GALK2: variants seen among roughly 807,000 people sequenced by gnomAD.
GALK2 encodes the protein N-acetylgalactosamine kinase.
GALK2 carries 36 observed loss-of-function variants against 52.4 expected under a neutral mutation model. The observed-to-expected ratio is 0.69, with a 90% CI of 0.53 to 0.91. The LOEUF (loss-of-function observed/expected upper bound fraction) is 0.91. GALK2 is among the 40% of genes least tolerant of loss of function. GALK2 has a pLI of 0.00. For synonymous variants in GALK2, 176 were observed against 199.1 expected (o/e 0.88, Z 0.98); for missense variants, 579 against 559.1 (o/e 1.04, Z -0.36).
At chr15:49,292,783 T>G (rs2034066024) in intron 8 of GALK2, among the ~76,000 whole-genome samples, 1 of 152,174 alleles carries the variant, frequency 6.6e-6, no homozygotes, top group Non-Finnish European at 1.5e-5. Flanking sequence ...TCAGTAAGCT[T>G]CTCTTTTTTA....
At chr15:49,207,608 A>G (rs1462502667) in intron 2 of GALK2, among the ~76,000 whole-genome samples, 1 of 152,140 alleles carries the variant, frequency 6.6e-6, no homozygotes, top group Non-Finnish European at 1.5e-5. Context: ...GAATTTATCC[A>G]TCTATTCTAG....
intron 8 of GALK2, among the ~76,000 whole-genome samples, chr15:49,312,686 T>C (rs1338147885): frequency 6.6e-6 from 1 of 152,220 alleles, no homozygotes; most frequent in Non-Finnish European, 1.5e-5. Context: ...AGTACACTTA[T>C]TCATTATTGG....
At chr15:49,283,956 AG>A (rs1356561580) in intron 7 of GALK2, among the ~76,000 whole-genome samples, 3 of 152,192 alleles carry the variant, frequency 2.0e-5, no homozygotes, top group Non-Finnish European at 2.9e-5. Flanking sequence ...TATGTGAAGC[AG>A]AATTATAGGT....
At position 49,304,418 on chromosome 15, in the gene GALK2, A is replaced by G. The variant is rs531382287; in HGVS notation, c.967+11881A>G. Among the ~76,000 whole-genome samples the G allele has an allele frequency of 1.2e-4, 19 of 152,296 alleles. No individual in the cohort carries two copies. The East Asian group carries it at 3.7e-3, about 29-fold the overall frequency. The stretch of plus-strand genomic sequence containing the variant: ...CATAAGTCAGCAAAAGAGTTTGTTC[A>G]TCTAAGACACTTATGGAGCTGGGCT... On this transcript the variant is annotated intron_variant, in intron 8 of 9. Transcript: ENST00000560031.
Position 49,262,765 on chromosome 15 carries a change from T to G in GALK2, c.505-19222T>G, listed in dbSNP as rs1057287948. 5.8e-3 allele frequency among the ~76,000 whole-genome samples: 854 copies of G among 147,630 alleles called. 4 individuals are homozygous for G. Among genetic ancestry groups the G allele is most frequent in the Non-Finnish European group, 9.5e-3 (640 of 67,052 alleles). ...ATGCATCCCAGAGATTCTGGTATGT[T>G]GTGTCTTTGTTCTCGTTGGTTTCAA... On this transcript the variant is annotated intron_variant, in intron 5 of 9. Coordinates refer to ENST00000560031, the MANE Select transcript of GALK2 (RefSeq NM_002044.4).
At chr15:49,263,747 T>C (rs1471006563) in intron 5 of GALK2, among the ~76,000 whole-genome samples, 2 of 122,248 alleles carry the variant, frequency 1.6e-5, no homozygotes, top group Non-Finnish European at 3.5e-5. Context: ...CTTCAGGAGC[T>C]CTTGTAAGGC....
At chr15:49,200,374 AC>A (rs974819046) in intron 1 of GALK2, among the ~76,000 whole-genome samples, 4 of 152,068 alleles carry the variant, frequency 2.6e-5, no homozygotes, top group African/African-American at 4.8e-5. Context: ...AGACAGTATA[AC>A]CCCCCAAATT....
chr15:49,366,418 C>A, intron 3 of GALK2: 1 of 865,918 alleles, frequency 1.2e-6, no homozygotes, highest in South Asian at 1.3e-5. Flanking sequence ...CCCATTGCAC[C>A]ACAACTGCTT....
At chr15:49,173,071 T>C (rs2085206217) in intron 1 of GALK2, among the ~76,000 whole-genome samples, 1 of 152,162 alleles carries the variant, frequency 6.6e-6, no homozygotes, top group Non-Finnish European at 1.5e-5. Flanking sequence ...CCCTTTCCCC[T>C]CACCTAGCCT....
intron 1 of GALK2, 98 bp from the exon 2 acceptor site, chr15:49,201,064 G>A: frequency 1.6e-6 from 1 of 622,994 alleles, no homozygotes; most frequent in Non-Finnish European, 2.9e-6. Flanking sequence ...GTGTGTGTGT[G>A]TGTGTGTGTG....
intron 8 of GALK2, 108 bp from the exon 9 acceptor site, chr15:49,319,496 T>C: frequency 1.2e-6 from 1 of 847,180 alleles, no homozygotes; most frequent in Admixed American, 2.6e-5. Flanking sequence ...AAGTTTAAGA[T>C]ACTGATAATG....
At chr15:49,337,553 T>C (rs986090502) in intron 3 of GALK2, among the ~76,000 whole-genome samples, 1 of 147,530 alleles carries the variant, frequency 6.8e-6, no homozygotes, top group African/African-American at 2.5e-5. Context: ...TACTTTAAGT[T>C]CTGGGATACA....
intron 1 of GALK2, among the ~76,000 whole-genome samples, chr15:49,163,142 C>T (rs989462388): frequency 3.3e-5 from 5 of 152,248 alleles, no homozygotes; most frequent in Non-Finnish European, 4.4e-5. Context: ...CACATCCTTG[C>T]CAACATTTAG....
chr15:49,220,058 C>CTTTTTTTTTT lies in GALK2; in HGVS notation c.266+2756_266+2765dup, dbSNP rs34707025. On this transcript the variant is annotated intron_variant, in intron 3 of 9. Transcript: ENST00000560031. ...TTTTGAGTTTCTTATAGATACAAGT[C>CTTTTTTTTTT]TTTTTTTTTTTTTTTTTTTTGAGAC... Among the ~76,000 whole-genome samples the CTTTTTTTTTT allele has an allele frequency of 2.2e-4, 20 of 92,730 alleles. 1 individual carries two copies. Among genetic ancestry groups the CTTTTTTTTTT allele is most frequent in the Non-Finnish European group, 4.1e-4 (19 of 46,014 alleles). 60.8% of individuals were successfully genotyped at this position (92,730 alleles called of 152,430 possible).
At chr15:49,281,277 A>G (rs761209656) in intron 5 of GALK2, among the ~76,000 whole-genome samples, 2 of 152,260 alleles carry the variant, frequency 1.3e-5, no homozygotes, top group African/African-American at 2.4e-5. Context: ...GAAGTGGTCA[A>G]AGAGACAAAT....
At chr15:49,177,400 G>T (rs897126322) in intron 1 of GALK2, among the ~76,000 whole-genome samples, 1 of 152,004 alleles carries the variant, frequency 6.6e-6, no homozygotes, top group Non-Finnish European at 1.5e-5. Flanking sequence ...ATAAAGCAAA[G>T]ACAAAAAAGT....
At chr15:49,302,700 G>T (rs1220694426) in intron 8 of GALK2, among the ~76,000 whole-genome samples, 1 of 152,154 alleles carries the variant, frequency 6.6e-6, no homozygotes, top group African/African-American at 2.4e-5. Context: ...AGATTCCATT[G>T]TTCTTCTTGT....
chr15:49,192,801 A>G (rs1478958200), intron 1 of GALK2, among the ~76,000 whole-genome samples: 2 of 151,620 alleles, frequency 1.3e-5, no homozygotes, highest in East Asian at 3.9e-4. Context: ...ATCTTTTCAT[A>G]TGTTTAAGGG....
intron 5 of GALK2, among the ~76,000 whole-genome samples, chr15:49,257,874 A>G (rs1044941819): frequency 6.6e-6 from 1 of 150,822 alleles, no homozygotes; most frequent in Non-Finnish European, 1.5e-5. Flanking sequence ...AATATATTCT[A>G]TTTTATAAGA....
Sources: allele counts gnomAD v4.1 joint callset (sites outside exome capture counted in the v4.1 genomes callset), GRCh38; gene constraint gnomAD v4.1.1; transcripts MANE v1.5; gene names NCBI Gene and HGNC (gene_info 2026-07-23, HGNC 2026-07-21).